CDC14A: variants seen among roughly 807,000 people sequenced by gnomAD.
CDC14A encodes dual specificity protein phosphatase CDC14A.
A neutral mutation model predicts 74.4 loss-of-function variants in CDC14A; 53 were observed. The ratio of observed to expected loss-of-function variants is 0.71; its 90% confidence interval spans 0.57 to 0.89. The LOEUF is 0.89. Ranked by LOEUF, CDC14A falls within the 40% of genes least tolerant of loss-of-function variation. The pLI, the probability that CDC14A is intolerant of heterozygous loss-of-function variation, is 0.00. For synonymous variants in CDC14A, 247 were observed against 258.4 expected (o/e 0.96, Z 0.43); for missense variants, 646 against 713.7 (o/e 0.91, Z 1.08).
chr1:100,393,242 C>G, intron 4 of CDC14A: 1 of 1,535,792 alleles, frequency 6.5e-7, no homozygotes, highest in Non-Finnish European at 9.0e-7. Context: ...GTTTTCTTAA[C>G]TTCTGAAGTT....
chr1:100,485,068 T>C lies in CDC14A; in HGVS notation c.1137+617T>C, dbSNP rs1423180257. 4.1e-6 allele frequency: 4 copies of C among 985,290 alleles called. No individual in the cohort carries two copies. The East Asian group carries it at 4.5e-4, about 112-fold the overall frequency. 61.0% of individuals were successfully genotyped at this position (985,290 alleles called of 1,614,324 possible). On this transcript the variant is annotated intron_variant, in intron 11 of 15. Coordinates refer to ENST00000336454, the MANE Select transcript of CDC14A (RefSeq NM_003672.4). The stretch of plus-strand genomic sequence containing the variant: ...ATCCATGTCTGTCTGAGTCCAAGCT[T>C]GTGTTTTTTTATATCACACCCTGTT...
chr1:100,433,612 A>G (rs1274056058), intron 5 of CDC14A, among the ~76,000 whole-genome samples: 1 of 152,176 alleles, frequency 6.6e-6, no homozygotes, highest in East Asian at 1.9e-4. Context: ...TGTAGTCTCC[A>G]CATTGTAGAC....
intron 4 of CDC14A, among the ~76,000 whole-genome samples, chr1:100,417,331 A>G (rs995330163): frequency 6.6e-6 from 1 of 152,114 alleles, no homozygotes; most frequent in African/African-American, 2.4e-5. Flanking sequence ...TAAGCTCCAT[A>G]ATGGAGATTT....
intron 2 of CDC14A, among the ~76,000 whole-genome samples, chr1:100,363,616 T>C (rs889827938): frequency 8.9e-5 from 13 of 145,358 alleles, no homozygotes; most frequent in Middle Eastern, 3.5e-3. Flanking sequence ...AGACTTCTCT[T>C]TTTTTTTTTT....
At chr1:100,430,672 A>G (rs1164988644) in intron 5 of CDC14A, among the ~76,000 whole-genome samples, 1 of 152,216 alleles carries the variant, frequency 6.6e-6, no homozygotes, top group Non-Finnish European at 1.5e-5. Flanking sequence ...ATGTAATCAT[A>G]AAATATATTT....
intron 3 of CDC14A, among the ~76,000 whole-genome samples, chr1:100,383,227 G>C (rs1424874539): frequency 6.6e-6 from 1 of 152,176 alleles, no homozygotes; most frequent in African/African-American, 2.4e-5. Context: ...CCCGTTTATA[G>C]AGAATCCCAC....
intron 15 of CDC14A, among the ~76,000 whole-genome samples, chr1:100,515,124 C>G (rs1237215387): frequency 2.0e-5 from 3 of 152,142 alleles, no homozygotes; most frequent in Non-Finnish European, 2.9e-5. Context: ...ATCTATCTAA[C>G]CTGTCTAAGA....
At chr1:100,485,542 G>A (rs527777495) in intron 11 of CDC14A, among the ~76,000 whole-genome samples, 11 of 151,210 alleles carry the variant, frequency 7.3e-5, no homozygotes, top group African/African-American at 2.5e-4. Context: ...TATCCTGGGC[G>A]ACAGAGCAAG....
chr1:100,359,946 T>TC (rs200030768), intron 2 of CDC14A, among the ~76,000 whole-genome samples: 45 of 110,544 alleles, frequency 4.1e-4, no homozygotes, highest in Middle Eastern at 4.5e-3. Context: ...ACCTTCTTCT[T>TC]TTTTTTTTTT....
Position 100,352,633 on chromosome 1 carries a change from G to T in CDC14A, c.-322G>T, listed in dbSNP as rs1476677952. The T allele has an allele frequency of 9.8e-6, 12 of 1,220,682 alleles. No individual in the cohort carries two copies. The South Asian group carries it at 1.4e-4, about 14-fold the overall frequency. The allele number at this position is 1,220,682 out of a possible 1,614,324, so 75.6% of individuals were successfully genotyped here. A position where few individuals can be genotyped will look rare whatever the true frequency, so the allele number is the denominator to read the frequency against. Reference sequence around the variant, plus strand: ...GGAAGCCGGGGGAAGACTTTGCCCTGCCCTGAGAGCTGGTCTGCGTTTCCC... The same window carrying T: ...GGAAGCCGGGGGAAGACTTTGCCCTTCCCTGAGAGCTGGTCTGCGTTTCCC... On this transcript the variant is annotated 5_prime_UTR_variant, in exon 1 of 16. Coordinates refer to ENST00000336454, the MANE Select transcript of CDC14A (RefSeq NM_003672.4).
chr1:100,441,763 A>G (rs1348524432), intron 6 of CDC14A, among the ~76,000 whole-genome samples: 3 of 152,082 alleles, frequency 2.0e-5, no homozygotes, highest in Non-Finnish European at 2.9e-5. Flanking sequence ...TCACCTGGGA[A>G]GCTATGCTGA....
chr1:100,348,916 C>T (rs768326100), upstream of CDC14A, among the ~76,000 whole-genome samples: 12 of 152,184 alleles, frequency 7.9e-5, no homozygotes, highest in South Asian at 2.1e-4. Context: ...ATTTTCAGGG[C>T]GAGTGCAGTG....
At chr1:100,442,197 A>G (rs1665009568) in intron 6 of CDC14A, among the ~76,000 whole-genome samples, 1 of 150,108 alleles carries the variant, frequency 6.7e-6, no homozygotes, top group Non-Finnish European at 1.5e-5. Context: ...GTATAATTCT[A>G]CTTTGTCAGA....
chr1:100,437,111 A>C (rs1429453624), intron 5 of CDC14A, among the ~76,000 whole-genome samples: 1 of 152,156 alleles, frequency 6.6e-6, no homozygotes, highest in Non-Finnish European at 1.5e-5. Context: ...ACTTGAGCCC[A>C]GGAGGTGGAG....
upstream of CDC14A, chr1:100,352,344 G>A (rs1651157102): frequency 2.0e-6 from 1 of 512,204 alleles, no homozygotes; most frequent in Non-Finnish European, 2.5e-6. Context: ...AACTGGGGCT[G>A]CTGCGGAGAA....
chr1:100,517,428 A>C (rs1650316481), intron 15 of CDC14A, among the ~76,000 whole-genome samples: 1 of 152,188 alleles, frequency 6.6e-6, no homozygotes, highest in Non-Finnish European at 1.5e-5. Flanking sequence ...TTGAGCAAAA[A>C]ATTTGTTAAT....
At chr1:100,391,904 A>G (rs373025004) in intron 4 of CDC14A, among the ~76,000 whole-genome samples, 1 of 152,252 alleles carries the variant, frequency 6.6e-6, no homozygotes, top group African/African-American at 2.4e-5. Flanking sequence ...ATGTAGCTGC[A>G]ATAAACCCTT....
chr1:100,372,542 C>G (rs1393776747), intron 2 of CDC14A, among the ~76,000 whole-genome samples: 13 of 152,184 alleles, frequency 8.5e-5, no homozygotes, highest in Non-Finnish European at 1.9e-4. Flanking sequence ...TTTGCTCATT[C>G]ATGAGCAAAA....
chr1:100,385,149 C>T (rs987307367), intron 3 of CDC14A, among the ~76,000 whole-genome samples: 3 of 152,174 alleles, frequency 2.0e-5, no homozygotes, highest in South Asian at 2.1e-4. Flanking sequence ...AGAGTTCTTT[C>T]GAGACTACTT....
Sources: gnomAD v4.1 joint callset for allele counts (sites outside exome capture counted in the v4.1 genomes callset) on GRCh38, gnomAD v4.1.1 for gene constraint, MANE v1.5 for transcripts, NCBI Gene and HGNC (gene_info 2026-07-23, HGNC 2026-07-21) for gene names.